The following SORCS2 variants were observed in gnomAD, a reference collection of about 807,000 sequenced individuals.
SORCS2 encodes the protein sortilin related VPS10 domain containing receptor 2.
A neutral mutation model predicts 141.6 loss-of-function variants in SORCS2; 100 were observed. That is an observed-to-expected ratio of 0.71 (90% CI 0.60 to 0.83). The LOEUF is 0.83. SORCS2 is among the 40% of genes least tolerant of loss of function. The pLI is 0.00. For synonymous variants in SORCS2, 789 were observed against 676.9 expected (o/e 1.17, Z -2.57); for missense variants, 1,646 against 1,560.2 (o/e 1.05, Z -0.93).
intron 1 of SORCS2, among the ~76,000 whole-genome samples, chr4:7,213,185 C>T (rs1728149813): frequency 6.6e-6 from 1 of 152,248 alleles, no homozygotes; most frequent in Non-Finnish European, 1.5e-5. Flanking sequence ...GTAAACACAA[C>T]CCCTGGCATG....
chr4:7,416,565 C>G (rs1725689056), intron 2 of SORCS2, among the ~76,000 whole-genome samples: 1 of 149,574 alleles, frequency 6.7e-6, no homozygotes, highest in Admixed American at 6.6e-5. Context: ...TGTGCACATG[C>G]ACACACACAC....
At chr4:7,197,392 C>T (rs758552022) in intron 1 of SORCS2, among the ~76,000 whole-genome samples, 2 of 152,190 alleles carry the variant, frequency 1.3e-5, no homozygotes, top group African/African-American at 4.8e-5. Context: ...TCCTTTGCAT[C>T]TCCTGAGTTT....
chr4:7,254,717 C>T (rs1377349303), intron 1 of SORCS2, among the ~76,000 whole-genome samples: 2 of 152,184 alleles, frequency 1.3e-5, no homozygotes, highest in Non-Finnish European at 2.9e-5. Context: ...ACTTTGGATG[C>T]TCTGAGCAGT....
At chr4:7,453,081 G>A (rs116068891) in intron 2 of SORCS2, among the ~76,000 whole-genome samples, 25 of 142,490 alleles carry the variant, frequency 1.8e-4, no homozygotes, top group African/African-American at 5.9e-4. Context: ...TTGGGGTCAC[G>A]TGCTGTGTTG....
In SORCS2 at chr4:7,451,946, C is replaced by T. The variant is rs918771068; in HGVS notation, c.548+55591C>T. On this transcript the variant is annotated intron_variant, in intron 2 of 26. Transcript: ENST00000507866. Reference sequence around the variant, plus strand: ...AGCGAGATCCCCTGAGGTGCTTGCGCGAGTGCACATTTGGCCAAGGCAGGA... The same window carrying T: ...AGCGAGATCCCCTGAGGTGCTTGCGTGAGTGCACATTTGGCCAAGGCAGGA... Among the ~76,000 whole-genome samples, 11 of 152,170 alleles carry T rather than the reference C, an allele frequency of 7.2e-5. No individual in the cohort carries two copies. In the East Asian group the frequency reaches 1.2e-3, roughly 16 times the overall value.
At position 7,664,367 on chromosome 4, in the gene SORCS2, A is replaced by T; in HGVS notation, c.967A>T (p.Thr323Ser). ...CTCTCCTGTAGATTTTCGGTACGTC[A>T]CCTGCGCAATCCACAATTGCTCCGA... The part of the protein sequence containing the change: ...QDLGGDFRYV[T>S]CAIHNCSEKM... Residue 323 changes from threonine (T) to serine (S), a missense_variant, in exon 7 of 27, where the codon ACC (threonine) becomes TCC (serine). By Grantham distance (58) the Thr-to-Ser change is moderately conservative. Transcript: ENST00000507866. This position sits in a 1 kb window ranked among gnomAD's most constrained non-coding sequence, Gnocchi z 4.7. 1 of 1,613,586 alleles carries T rather than the reference A, an allele frequency of 6.2e-7. No homozygotes were observed. The highest frequency in any genetic ancestry group is 8.5e-7 in the Non-Finnish European group (1 of 1,179,732).
At chr4:7,268,449 C>T (rs546269595) in intron 1 of SORCS2, among the ~76,000 whole-genome samples, 1 of 152,296 alleles carries the variant, frequency 6.6e-6, no homozygotes, top group African/African-American at 2.4e-5. Flanking sequence ...ATCCAGCATG[C>T]AATGGGGCCG....
intron 14 of SORCS2, among the ~76,000 whole-genome samples, chr4:7,712,178 G>A (rs565644403): frequency 5.3e-5 from 8 of 152,324 alleles, no homozygotes; most frequent in South Asian, 2.1e-4. Flanking sequence ...TGGGCTCTGC[G>A]CTGAGCCTGC....
At chr4:7,450,940 G>T (rs951907297) in intron 2 of SORCS2, among the ~76,000 whole-genome samples, 4 of 151,900 alleles carry the variant, frequency 2.6e-5, no homozygotes, top group Non-Finnish European at 4.4e-5. Flanking sequence ...GAATGAGTGA[G>T]TAAATGAGTG....
At chr4:7,617,276 A>C (rs1390531131) in intron 3 of SORCS2, among the ~76,000 whole-genome samples, 1 of 151,842 alleles carries the variant, frequency 6.6e-6, no homozygotes, top group Non-Finnish European at 1.5e-5. Flanking sequence ...CACTCACCCC[A>C]TTATCCATCC....
rs180882371 is a variant in SORCS2, at chr4:7,672,370, C to T, written c.1162-3680C>T. 1.1e-3 allele frequency among the ~76,000 whole-genome samples: 162 copies of T among 152,248 alleles called. 1 individual carries two copies. In the Middle Eastern group the frequency reaches 0.017, roughly 16 times the overall value. ...AGGAACCCCGGAGTTCAGAAGGCAG[C>T]GAGCTGATACATTCAAAGCGCTGAA... On this transcript the variant is annotated intron_variant, in intron 8 of 26. Transcript: ENST00000507866.
chr4:7,643,302 A>G (rs1306974815), intron 4 of SORCS2, among the ~76,000 whole-genome samples: 1 of 152,092 alleles, frequency 6.6e-6, no homozygotes, highest in Non-Finnish European at 1.5e-5. Flanking sequence ...GTCCCTTCCC[A>G]CGCCAGCTTC....
chr4:7,677,037 C>G (rs1225837013), intron 9 of SORCS2, among the ~76,000 whole-genome samples: 4 of 151,660 alleles, frequency 2.6e-5, no homozygotes, highest in Non-Finnish European at 5.9e-5. Flanking sequence ...CTCTCTGTCT[C>G]TCTCTCACAC....
chr4:7,254,660 A>C lies in SORCS2; in HGVS notation c.480+61534A>C, dbSNP rs576140217. On this transcript the variant is annotated intron_variant, in intron 1 of 26. Transcript: ENST00000507866. ...AATCTGTACAAATAAAAAGGAAAAA[A>C]AGAGGGGCGGGCTGACACCCAGGGC... 5.3e-5 allele frequency among the ~76,000 whole-genome samples: 8 copies of C among 152,340 alleles called. No individual in the cohort carries two copies. In the South Asian group the frequency reaches 1.5e-3, roughly 28 times the overall value.
chr4:7,741,196 T>C lies in SORCS2; in HGVS notation c.*932T>C. On this transcript the variant is annotated 3_prime_UTR_variant, in exon 27 of 27. Transcript: ENST00000507866. The stretch of plus-strand genomic sequence containing the variant: ...TGTACCAGTTTTCTGCAGTTCCTTA[T>C]AGGCGAAGGGAACCGGGTGGAAACC... 2.5e-6 allele frequency: 1 copy of C among 398,664 alleles called. No homozygotes were observed. Among genetic ancestry groups the C allele is most frequent in the East Asian group, 3.6e-5 (1 of 28,052 alleles). 24.7% of individuals were successfully genotyped at this position (398,664 alleles called of 1,614,324 possible).
intron 1 of SORCS2, among the ~76,000 whole-genome samples, chr4:7,353,686 C>G (rs564275960): frequency 3.9e-4 from 59 of 152,304 alleles, no homozygotes; most frequent in African/African-American, 1.4e-3. Context: ...TTTGGGAAGG[C>G]AGCCCTGACT....
At chr4:7,674,605 A>G (rs35870413) in intron 8 of SORCS2, among the ~76,000 whole-genome samples, 2 of 137,046 alleles carry the variant, frequency 1.5e-5, no homozygotes, top group South Asian at 4.7e-4. Context: ...AAAAAAAAAA[A>G]GCAACCCTCT....
At chr4:7,729,443 A>T (rs930503427) in intron 22 of SORCS2, 144 bp from the exon 23 acceptor site, 6 of 1,109,498 alleles carry the variant, frequency 5.4e-6, no homozygotes, top group South Asian at 3.3e-5. Flanking sequence ...CCCTGGAAGG[A>T]TCCCCACGCC....
At chr4:7,432,353 A>G (rs1726926897) in intron 2 of SORCS2, 1 of 150,298 alleles carries the variant, frequency 6.7e-6, no homozygotes, top group Non-Finnish European at 1.5e-5. Flanking sequence ...GTCCCAGCAG[A>G]CTCATGAATG....
Sources: gnomAD v4.1 joint callset for allele counts (sites outside exome capture counted in the v4.1 genomes callset) on GRCh38, gnomAD v4.1.1 for gene constraint, Gnocchi (gnomAD v3.1) non-coding constraint, MANE v1.5 for transcripts, NCBI Gene and HGNC (gene_info 2026-07-23, HGNC 2026-07-21) for gene names.